CRPPA: variants seen among roughly 807,000 people sequenced by gnomAD.
CRPPA encodes the protein D-ribitol-5-phosphate cytidylyltransferase.
CRPPA carries 43 observed loss-of-function variants against 52.0 expected under a neutral mutation model. The observed-to-expected ratio is 0.83, with a 90% CI of 0.65 to 1.07. CRPPA has a LOEUF of 1.07. Ranked by LOEUF, CRPPA falls within the 50% of genes least tolerant of loss-of-function variation. The pLI, the probability that CRPPA is intolerant of heterozygous loss-of-function variation, is 0.00. For synonymous variants in CRPPA, 250 were observed against 203.5 expected (o/e 1.23, Z -1.94); for missense variants, 629 against 551.7 (o/e 1.14, Z -1.40).
At chr7:16,129,841 T>C (rs934548239) in intron 9 of CRPPA, among the ~76,000 whole-genome samples, 3 of 152,192 alleles carry the variant, frequency 2.0e-5, no homozygotes, top group Non-Finnish European at 4.4e-5. Context: ...CACCTTTTCC[T>C]TTCCTCATTG....
chr7:16,189,582 C>G (rs1163511080), intron 9 of CRPPA, among the ~76,000 whole-genome samples: 1 of 152,190 alleles, frequency 6.6e-6, no homozygotes, highest in Non-Finnish European at 1.5e-5. Flanking sequence ...AATGAATATT[C>G]ATGATGTTGC....
At chr7:16,297,351 T>C (rs1784695092) in intron 5 of CRPPA, among the ~76,000 whole-genome samples, 2 of 152,310 alleles carry the variant, frequency 1.3e-5, no homozygotes, top group Admixed American at 6.5e-5. Flanking sequence ...CTATACCATT[T>C]CTATGTTTTA....
intron 9 of CRPPA, among the ~76,000 whole-genome samples, chr7:16,102,088 G>A (rs559129715): frequency 6.6e-6 from 1 of 152,194 alleles, no homozygotes; most frequent in African/African-American, 2.4e-5. Flanking sequence ...AAAACAGCAT[G>A]GTACTGGTAC....
At chr7:16,210,041 T>TA (rs1439329241) in intron 9 of CRPPA, among the ~76,000 whole-genome samples, 1 of 152,204 alleles carries the variant, frequency 6.6e-6, no homozygotes, top group African/African-American at 2.4e-5. Context: ...TCAAGCTCTT[T>TA]AAAAACAATT....
At chr7:16,138,608 A>G (rs1562522240) in intron 9 of CRPPA, among the ~76,000 whole-genome samples, 3 of 152,200 alleles carry the variant, frequency 2.0e-5, no homozygotes, top group African/African-American at 4.8e-5. Context: ...ACAGGGAAAA[A>G]ATGTAATTTG....
chr7:16,373,671 T>C (rs574627930), intron 3 of CRPPA, among the ~76,000 whole-genome samples: 1 of 152,230 alleles, frequency 6.6e-6, no homozygotes, highest in Admixed American at 6.5e-5. Flanking sequence ...TAAATGATAA[T>C]TACAGGATAA....
chr7:16,312,698 C>T (rs1785059684), intron 3 of CRPPA, among the ~76,000 whole-genome samples: 1 of 151,902 alleles, frequency 6.6e-6, no homozygotes, highest in Non-Finnish European at 1.5e-5. Flanking sequence ...ATTTTCTCAC[C>T]ATTAATAATG....
chr7:16,216,827 C>A (rs1295030070), intron 8 of CRPPA, among the ~76,000 whole-genome samples: 1 of 152,240 alleles, frequency 6.6e-6, no homozygotes, highest in African/African-American at 2.4e-5. Flanking sequence ...GCACAGCAGT[C>A]TGAGATCAAA....
intron 1 of CRPPA, among the ~76,000 whole-genome samples, chr7:16,419,745 T>A (rs1196064370): frequency 1.3e-5 from 2 of 151,796 alleles, no homozygotes; most frequent in South Asian, 4.2e-4. Context: ...ATAGACCCCC[T>A]ATGATTCCAT....
chr7:16,258,851 G>C (rs1783717164), intron 7 of CRPPA, 69 bp downstream of exon 7: 4 of 887,314 alleles, frequency 4.5e-6, no homozygotes, highest in Non-Finnish European at 6.8e-6. Context: ...AAATATTTAA[G>C]AATCAAATTA....
At chr7:16,352,135 C>T (rs1036890876) in intron 3 of CRPPA, among the ~76,000 whole-genome samples, 1 of 151,960 alleles carries the variant, frequency 6.6e-6, no homozygotes, top group African/African-American at 2.4e-5. Context: ...AAACTGGAAA[C>T]CATCATTCTC....
At chr7:16,309,099 T>A (rs1288873493) in intron 3 of CRPPA, among the ~76,000 whole-genome samples, 1 of 148,534 alleles carries the variant, frequency 6.7e-6, no homozygotes, top group East Asian at 2.0e-4. Flanking sequence ...AATATCAATA[T>A]ATCTTTTAAT....
chr7:16,415,889 A>C (rs1788181198), intron 1 of CRPPA, among the ~76,000 whole-genome samples: 1 of 152,156 alleles, frequency 6.6e-6, no homozygotes, highest in Admixed American at 6.5e-5. Flanking sequence ...CCCTATCCCA[A>C]TTTAGGAATT....
chr7:16,222,189 T>C (rs895158554), intron 8 of CRPPA, among the ~76,000 whole-genome samples: 7 of 151,282 alleles, frequency 4.6e-5, no homozygotes, highest in Middle Eastern at 3.4e-3. Context: ...AGTAAACTGT[T>C]GCAAGAACAA....
intron 9 of CRPPA, among the ~76,000 whole-genome samples, chr7:16,161,772 A>G (rs1780895346): frequency 6.6e-6 from 1 of 152,090 alleles, no homozygotes; most frequent in African/African-American, 2.4e-5. Context: ...ACCAGCTCCT[A>G]TTTGTACCCC....
At chr7:16,126,091 T>G (rs1008303949) in intron 9 of CRPPA, among the ~76,000 whole-genome samples, 5 of 152,066 alleles carry the variant, frequency 3.3e-5, no homozygotes, top group Admixed American at 6.6e-5. Flanking sequence ...AAGCCAATAC[T>G]GGGTTTATTT....
chr7:16,168,251 C>G (rs1344298886), intron 9 of CRPPA, among the ~76,000 whole-genome samples: 1 of 152,106 alleles, frequency 6.6e-6, no homozygotes, highest in Admixed American at 6.6e-5. Context: ...TAGTTGCTCA[C>G]TTTGATACCA....
chr7:16,221,013 C>T (rs1396761339), intron 8 of CRPPA, among the ~76,000 whole-genome samples: 2 of 152,068 alleles, frequency 1.3e-5, no homozygotes, highest in African/African-American at 2.4e-5. Context: ...AAGAACAAAG[C>T]TGGAGGCATC....
intron 9 of CRPPA, among the ~76,000 whole-genome samples, chr7:16,214,073 A>C (rs1236547848): frequency 6.6e-6 from 1 of 152,208 alleles, no homozygotes; most frequent in Non-Finnish European, 1.5e-5. Context: ...TCTACATTTA[A>C]GCTATCTACA....
Sources: gnomAD v4.1 joint callset for allele counts (sites outside exome capture counted in the v4.1 genomes callset) on GRCh38, gnomAD v4.1.1 for gene constraint, MANE v1.5 for transcripts, NCBI Gene and HGNC (gene_info 2026-07-23, HGNC 2026-07-21) for gene names.